Variants in GPNMB observed in about 807,000 individuals in gnomAD.
The protein encoded by GPNMB is transmembrane glycoprotein NMB.
GPNMB carries 71 observed loss-of-function variants against 57.3 expected under a neutral mutation model. The ratio of observed to expected loss-of-function variants is 1.24; its 90% confidence interval spans 1.02 to 1.51. The LOEUF (loss-of-function observed/expected upper bound fraction) is 1.51, where lower values mean the gene tolerates loss of function less well. Ranked by LOEUF, GPNMB falls within the 40% of genes most tolerant of loss-of-function variation. The pLI, the probability that GPNMB is intolerant of heterozygous loss-of-function variation, is 0.00. For missense variants in GPNMB, 677 were observed against 691.9 expected (o/e 0.98, Z 0.24); for synonymous variants, 253 against 263.2 (o/e 0.96, Z 0.38).
intron 1 of GPNMB, among the ~76,000 whole-genome samples, chr7:23,251,205 G>A (rs1389647517): frequency 6.6e-6 from 1 of 152,174 alleles, no homozygotes; most frequent in Admixed American, 6.5e-5. Context: ...GGAGAAGAAG[G>A]GAACGTGTTG....
In GPNMB at chr7:23,274,443, C is replaced by G. The variant is rs77253147; in HGVS notation, c.*219C>G. On this transcript the variant is annotated 3_prime_UTR_variant, in exon 11 of 11. Transcript: ENST00000258733. ...TGTGAAACTGATAAAAGCAACTTAG[C>G]AAGGCTTCTTTTCATTATTTTTTAT... 0.095 allele frequency: 41,258 copies of G among 433,406 alleles called. 2,521 individuals carry two copies. The highest frequency in any genetic ancestry group is 0.13 in the Non-Finnish European group (32,372 of 245,786). The allele number at this position is 433,406 out of a possible 1,614,324, so 26.8% of individuals were successfully genotyped here.
chr7:23,248,921 C>T (rs1053894155), intron 1 of GPNMB, among the ~76,000 whole-genome samples: 2 of 151,916 alleles, frequency 1.3e-5, no homozygotes, highest in Non-Finnish European at 2.9e-5. Context: ...GTAGCTGGGA[C>T]CACAGGCACG....
chr7:23,259,411 T>C (rs1782858364), intron 4 of GPNMB, among the ~76,000 whole-genome samples: 1 of 152,160 alleles, frequency 6.6e-6, no homozygotes, highest in Admixed American at 6.5e-5. Flanking sequence ...CTCCATCTCC[T>C]GACCTCGTGA....
At chr7:23,260,851 C>T in intron 6 of GPNMB, 78 bp downstream of exon 6, 5 of 1,152,250 alleles carry the variant, frequency 4.3e-6, no homozygotes, top group Middle Eastern at 4.1e-4. Context: ...TTATTAAATC[C>T]CTCCTTAAGG....
intron 6 of GPNMB, among the ~76,000 whole-genome samples, chr7:23,265,614 G>A (rs1052063533): frequency 2.0e-5 from 3 of 152,042 alleles, no homozygotes; most frequent in African/African-American, 7.2e-5. Flanking sequence ...CATCCAAACA[G>A]GGAAAGAATG....
intron 6 of GPNMB, 65 bp downstream of exon 6, chr7:23,260,838 A>C: frequency 8.3e-7 from 1 of 1,201,184 alleles, no homozygotes; most frequent in South Asian, 1.6e-5. Context: ...CACGCAGGTC[A>C]TATTATTAAA....
At chr7:23,250,112 A>G (rs997005670) in intron 1 of GPNMB, among the ~76,000 whole-genome samples, 3 of 152,194 alleles carry the variant, frequency 2.0e-5, no homozygotes, top group Admixed American at 6.5e-5. Context: ...CAATTTTTCT[A>G]ATTGAATCCC....
Position 23,273,917 on chromosome 7 carries a change from T to C in GPNMB, c.1524-148T>C, listed in dbSNP as rs1783273963. 4 of 615,436 alleles carry C rather than the reference T, an allele frequency of 6.5e-6. No individual in the cohort carries two copies. The African/African-American group carries it at 7.4e-5, about 11-fold the overall frequency. The allele number at this position is 615,436 out of a possible 1,614,324, so 38.1% of individuals were successfully genotyped here. A position where few individuals can be genotyped will look rare whatever the true frequency, so the allele number is the denominator to read the frequency against. On this transcript the variant is annotated intron_variant, in intron 10 of 10. Coordinates refer to ENST00000258733, the MANE Select transcript of GPNMB (RefSeq NM_002510.3). ...TTGCATGAACAAGAGTAAATAAATGTACTTTCATAAGACACCAGTGTCTTG... is the reference window on the plus strand; with the variant it reads ...TTGCATGAACAAGAGTAAATAAATGCACTTTCATAAGACACCAGTGTCTTG...
At chr7:23,254,125 G>T in intron 2 of GPNMB, 44 bp from the exon 3 acceptor site, 1 of 1,569,848 alleles carries the variant, frequency 6.4e-7, no homozygotes, top group Non-Finnish European at 8.6e-7. Flanking sequence ...TGAACGAAAG[G>T]AAAAAGATGC....
At chr7:23,251,399 C>G (rs1162814378) in intron 1 of GPNMB, among the ~76,000 whole-genome samples, 1 of 152,182 alleles carries the variant, frequency 6.6e-6, no homozygotes, top group Non-Finnish European at 1.5e-5. Context: ...CATAGAACCA[C>G]AGAAATTAAT....
rs763628675 is a variant in GPNMB at position 23,260,107 on chromosome 7, C to A, written c.669C>A (p.Ile223=). 2.5e-6 allele frequency: 4 copies of A among 1,613,928 alleles called. No homozygotes were observed. The South Asian group carries it at 4.4e-5, about 18-fold the overall frequency. ...YRRHGRAYVP[I]AQVKDVYVVT... ...GACATGGACGGGCATATGTTCCCAT[C>A]GCACAAGTGAAAGATGTGTACGTGG... Residue 223 remains isoleucine, a synonymous_variant, in exon 5 of 11, where the codon ATC becomes ATA. Coordinates refer to ENST00000258733, the MANE Select transcript of GPNMB (RefSeq NM_002510.3).
chr7:23,257,826 A>G (rs1022008638), intron 4 of GPNMB: 6 of 152,240 alleles, frequency 3.9e-5, no homozygotes, highest in African/African-American at 1.4e-4. Context: ...GTACAAATAA[A>G]AAATAAAAAT....
At chr7:23,258,000 G>A (rs78028502) in intron 4 of GPNMB, 6 of 152,038 alleles carry the variant, frequency 3.9e-5, no homozygotes, top group East Asian at 3.9e-4. Flanking sequence ...ATGGCTGCAC[G>A]ATATTTCATT....
chr7:23,252,194 A>G (rs2128481025), intron 1 of GPNMB, among the ~76,000 whole-genome samples: 1 of 152,350 alleles, frequency 6.6e-6, no homozygotes, highest in East Asian at 1.9e-4. Context: ...AACAAGTGGA[A>G]CAAATAGAAA....
rs1434159557 is a variant in GPNMB, at chr7:23,270,116, C to A, written c.1370C>A (p.Thr457Asn). 6.2e-7 allele frequency: 1 copy of A among 1,614,146 alleles called. No individual in the cohort carries two copies. The highest frequency in any genetic ancestry group is 1.7e-5 in the Admixed American group (1 of 60,022). Residue 457 changes from threonine to asparagine, a missense_variant, in exon 9 of 11, where the codon ACC becomes AAC. Transcript: ENST00000258733. ...TCTGGGACGTACTGTGTGAACCTCA[C>A]CCTGGGGGATGACACAAGCCTGGCT... ...NGSGTYCVNL[T>N]LGDDTSLALT...
intron 6 of GPNMB, among the ~76,000 whole-genome samples, chr7:23,263,615 A>G (rs1374426935): frequency 6.7e-6 from 1 of 149,966 alleles, no homozygotes; most frequent in Non-Finnish European, 1.5e-5. Flanking sequence ...TCTGTCTCAA[A>G]AAAAAAAAAA....
intron 6 of GPNMB, among the ~76,000 whole-genome samples, chr7:23,263,921 G>GA (rs1782993482): frequency 6.6e-6 from 1 of 152,054 alleles, no homozygotes; most frequent in Non-Finnish European, 1.5e-5. Context: ...ATGCACAGCC[G>GA]AAAATAGAAA....
At chr7:23,257,216 T>G in intron 4 of GPNMB, 151 bp downstream of exon 4, 2 of 722,192 alleles carry the variant, frequency 2.8e-6, no homozygotes, top group South Asian at 3.3e-5. Context: ...CAGTGAGAGA[T>G]AAAAATGAAA....
At chr7:23,257,946 A>T (rs909295642) in intron 4 of GPNMB, 1 of 152,212 alleles carries the variant, frequency 6.6e-6, no homozygotes, top group Non-Finnish European at 1.5e-5. Context: ...TACTATCATT[A>T]GCATTTGATG....
Sources: allele counts gnomAD v4.1 joint callset (sites outside exome capture counted in the v4.1 genomes callset), GRCh38; gene constraint gnomAD v4.1.1; transcripts MANE v1.5; gene names NCBI Gene and HGNC (gene_info 2026-07-23, HGNC 2026-07-21).